Variants in PPARGC1A observed in about 807,000 individuals in gnomAD.
The protein encoded by PPARGC1A is peroxisome proliferator-activated receptor gamma coactivator 1-alpha.
A neutral mutation model predicts 88.7 loss-of-function variants in PPARGC1A; 25 were observed. The ratio of observed to expected loss-of-function variants is 0.28; its 90% CI spans 0.21 to 0.39. The LOEUF is 0.39. Ranked by LOEUF, PPARGC1A falls within the 10% of genes least tolerant of loss-of-function variation. PPARGC1A has a pLI of 1.00. For synonymous variants in PPARGC1A, 363 were observed against 355.6 expected, an observed-to-expected ratio of 1.02 and a Z score of -0.24; for missense variants, 880 against 968.7, an observed-to-expected ratio of 0.91 and a Z score of 1.22.
chr4:24,271,068 TAATTATGGTAGTAAACATTAAC>T, the PPARGC1A span, among the ~76,000 whole-genome samples: 2 of 152,196 alleles, frequency 1.3e-5, no homozygotes, highest in African/African-American at 2.4e-5. Flanking sequence ...TTCAAATTGG[TAATTATGGTAGTAAACATTAAC>T]AACATGTCAG....
chr4:23,962,360 A>G, the PPARGC1A span, among the ~76,000 whole-genome samples: 407 of 152,250 alleles, frequency 2.7e-3, 3 homozygotes, highest in African/African-American at 9.3e-3. Context: ...CTCCTTCTAC[A>G]AATGAGAAAG....
the PPARGC1A span, among the ~76,000 whole-genome samples, chr4:24,244,845 A>T: frequency 6.6e-6 from 1 of 152,182 alleles, no homozygotes; most frequent in Non-Finnish European, 1.5e-5. Flanking sequence ...AAATTATCTC[A>T]GCATTATGTA....
the PPARGC1A span, among the ~76,000 whole-genome samples, chr4:24,405,854 T>A: frequency 6.6e-6 from 1 of 152,196 alleles, no homozygotes; most frequent in Non-Finnish European, 1.5e-5. Flanking sequence ...CTCTCCCCTT[T>A]CTTTTTTCTT....
chr4:24,035,654 C>T, the PPARGC1A span, among the ~76,000 whole-genome samples: 1 of 151,916 alleles, frequency 6.6e-6, no homozygotes, highest in South Asian at 2.1e-4. Flanking sequence ...CCAATGTTTC[C>T]CAAATTATGA....
chr4:24,062,111 A>C, the PPARGC1A span, among the ~76,000 whole-genome samples: 1 of 152,132 alleles, frequency 6.6e-6, no homozygotes, highest in African/African-American at 2.4e-5. Context: ...ACTCAATCCT[A>C]AGACATTATT....
At chr4:24,130,989 A>G in the PPARGC1A span, among the ~76,000 whole-genome samples, 1 of 152,198 alleles carries the variant, frequency 6.6e-6, no homozygotes, top group Non-Finnish European at 1.5e-5. Flanking sequence ...CGCTTCCTGC[A>G]GGAAATGTTT....
chr4:24,157,031 AT>A, the PPARGC1A span, among the ~76,000 whole-genome samples: 1 of 152,220 alleles, frequency 6.6e-6, no homozygotes, highest in Non-Finnish European at 1.5e-5. Flanking sequence ...TTATTCAAGG[AT>A]ACCACATAGA....
chr4:23,987,405 A>T, the PPARGC1A span, among the ~76,000 whole-genome samples: 1 of 151,982 alleles, frequency 6.6e-6, no homozygotes, highest in Non-Finnish European at 1.5e-5. Context: ...AATATATTCC[A>T]GCCCTCAAGA....
chr4:24,169,157 C>T, the PPARGC1A span, among the ~76,000 whole-genome samples: 3 of 152,046 alleles, frequency 2.0e-5, no homozygotes, highest in African/African-American at 7.2e-5. Flanking sequence ...CACCCATGAG[C>T]CCATCTAATC....
chr4:24,468,215 T>C, the PPARGC1A span, among the ~76,000 whole-genome samples: 1 of 152,286 alleles, frequency 6.6e-6, no homozygotes, highest in African/African-American at 2.4e-5. Flanking sequence ...CCGAAACAAC[T>C]ACAGGAGAGA....
the PPARGC1A span, among the ~76,000 whole-genome samples, chr4:24,316,759 C>G: frequency 7.2e-5 from 11 of 152,154 alleles, no homozygotes; most frequent in African/African-American, 2.7e-4. Context: ...TAAATGACAT[C>G]GCATATGTAA....
the PPARGC1A span, among the ~76,000 whole-genome samples, chr4:24,450,823 C>T: frequency 6.6e-6 from 1 of 152,182 alleles, no homozygotes; most frequent in African/African-American, 2.4e-5. Flanking sequence ...GTTCCAAATT[C>T]CTGCCTTTAT....
intron 2 of PPARGC1A, among the ~76,000 whole-genome samples, chr4:23,872,174 A>G (rs1713517944): frequency 6.6e-6 from 1 of 152,098 alleles, no homozygotes; most frequent in South Asian, 2.1e-4. Context: ...AGGTCAACAG[A>G]CCTAAAATGG....
At chr4:24,320,137 CTAG>C in the PPARGC1A span, among the ~76,000 whole-genome samples, 2 of 152,310 alleles carry the variant, frequency 1.3e-5, no homozygotes, top group East Asian at 1.9e-4. Flanking sequence ...AAATTTCTAA[CTAG>C]TAGATTTCCT....
intron 2 of PPARGC1A, among the ~76,000 whole-genome samples, chr4:23,844,066 T>C (rs1238439608): frequency 1.3e-5 from 2 of 151,368 alleles, no homozygotes; most frequent in Admixed American, 1.3e-4. Flanking sequence ...TACTATGTAC[T>C]ATAATTTGTT....
At chr4:24,156,739 T>G in the PPARGC1A span, among the ~76,000 whole-genome samples, 1 of 150,786 alleles carries the variant, frequency 6.6e-6, no homozygotes, top group Admixed American at 6.6e-5. Context: ...TCTCTCTCTT[T>G]TTTTTTTTTT....
the PPARGC1A span, among the ~76,000 whole-genome samples, chr4:24,199,002 T>A: frequency 1.3e-5 from 2 of 152,152 alleles, no homozygotes; most frequent in Admixed American, 1.3e-4. Context: ...GCAGGACAGA[T>A]CAGCATCTGT....
At chr4:24,382,464 A>G in the PPARGC1A span, among the ~76,000 whole-genome samples, 1 of 152,302 alleles carries the variant, frequency 6.6e-6, no homozygotes, top group South Asian at 2.1e-4. Flanking sequence ...GAGGAGGGAG[A>G]ACAACTGGGG....
At chr4:24,004,323 C>T in the PPARGC1A span, among the ~76,000 whole-genome samples, 17 of 152,126 alleles carry the variant, frequency 1.1e-4, no homozygotes, top group Admixed American at 2.0e-4. Flanking sequence ...AAAGAAGTGG[C>T]ATGAATGAAC....
Sources: allele counts gnomAD v4.1 joint callset (sites outside exome capture counted in the v4.1 genomes callset), GRCh38; gene constraint gnomAD v4.1.1; transcripts MANE v1.5; gene names NCBI Gene and HGNC (gene_info 2026-07-23, HGNC 2026-07-21).